CROCC: variants seen among roughly 807,000 people sequenced by gnomAD.
CROCC encodes the protein ciliary rootlet coiled-coil, rootletin.
CROCC carries 180 observed loss-of-function variants against 245.2 expected under a neutral mutation model. That is an observed-to-expected ratio of 0.73 (90% CI 0.65 to 0.83). The LOEUF is 0.83. Ranked by LOEUF, CROCC falls within the 40% of genes least tolerant of loss-of-function variation. The pLI is 0.00. For synonymous variants in CROCC, 1,205 were observed against 1,241.6 expected, an observed-to-expected ratio of 0.97 and a Z score of 0.62; for missense variants, 2,688 against 2,779.4, an observed-to-expected ratio of 0.97 and a Z score of 0.74.
intron 19 of CROCC, 133 bp from the exon 20 acceptor site, chr1:16,950,820 A>G (rs1448985988): frequency 1.5e-6 from 1 of 687,320 alleles, no homozygotes; most frequent in Non-Finnish European, 2.3e-6. Context: ...CCACTTCAAG[A>G]GGACCCAAAC....
intron 27 of CROCC, among the ~76,000 whole-genome samples, chr1:16,962,837 G>A (rs1339155336): frequency 6.6e-6 from 1 of 151,532 alleles, no homozygotes; most frequent in Non-Finnish European, 1.5e-5. Context: ...TGATGGTGAT[G>A]GCTGCACAAC....
chr1:16,968,103 C>T (rs2076448229), intron 30 of CROCC, 100 bp from the exon 31 acceptor site: 13 of 1,247,662 alleles, frequency 1.0e-5, no homozygotes, highest in South Asian at 5.2e-5. Context: ...GGTCACCCTT[C>T]GAGGCTGCTC....
At chr1:16,963,528 C>T (rs1403670925) in intron 27 of CROCC, among the ~76,000 whole-genome samples, 1 of 152,202 alleles carries the variant, frequency 6.6e-6, no homozygotes, top group Non-Finnish European at 1.5e-5. Flanking sequence ...CTTTGGGAAC[C>T]TCTGAGCGAG....
intron 27 of CROCC, among the ~76,000 whole-genome samples, chr1:16,964,970 C>A (rs147813588): frequency 6.6e-6 from 1 of 152,132 alleles, no homozygotes; most frequent in African/African-American, 2.4e-5. Flanking sequence ...CATGAGACAC[C>A]GCACCTGGCC....
At position 16,954,932 on chromosome 1, in the gene CROCC, T is replaced by G. The variant is rs1170526685; in HGVS notation, c.3465+55T>G. The G allele has an allele frequency of 1.5e-5, 22 of 1,458,858 alleles. No homozygotes were observed. In the Admixed American group the frequency reaches 5.4e-4, roughly 36 times the overall value. 90.4% of individuals were successfully genotyped at this position (1,458,858 alleles called of 1,614,324 possible). A position where few individuals can be genotyped will look rare whatever the true frequency, so the allele number is the denominator to read the frequency against. Reference sequence around the variant, plus strand: ...CATACCCTAAATGGCACTGTGTGCCTGGGGGCCTAGTTCCCCAGGGCCCCA... The same window carrying G: ...CATACCCTAAATGGCACTGTGTGCCGGGGGGCCTAGTTCCCCAGGGCCCCA... On this transcript the variant is annotated intron_variant, in intron 23 of 36. Coordinates refer to ENST00000375541, the MANE Select transcript of CROCC (RefSeq NM_014675.5). This position sits in a 1 kb window ranked among gnomAD's most constrained non-coding sequence, Gnocchi z 4.4.
Position 16,971,648 on chromosome 1 carries a change from G to T in CROCC, c.5967+1G>T. The T allele has an allele frequency of 6.7e-7, 1 of 1,489,144 alleles. No homozygotes were observed. Among genetic ancestry groups the T allele is most frequent in the East Asian group, 2.5e-5 (1 of 39,866 alleles). 92.2% of individuals were successfully genotyped at this position (1,489,144 alleles called of 1,614,324 possible). On this transcript the variant is annotated splice_donor_variant, in intron 36 of 36. Coordinates refer to ENST00000375541, the MANE Select transcript of CROCC (RefSeq NM_014675.5). LOFTEE classifies it high-confidence loss of function. ...GAGGGTGCGTGGGCTGGAGGAGCAG[G>T]TGTGCAGGCCCCCTTAGAAGGCTGG...
At position 16,954,550 on chromosome 1, in the gene CROCC, G is replaced by A. The variant is rs143562960; in HGVS notation, c.3322-184G>A. Among the ~76,000 whole-genome samples, 651 of 152,372 alleles carry A rather than the reference G, an allele frequency of 4.3e-3. 10 individuals carry two copies. The highest frequency in any genetic ancestry group is 0.015 in the African/African-American group (617 of 41,596). On this transcript the variant is annotated intron_variant, in intron 22 of 36. Transcript: ENST00000375541. This position sits in a 1 kb window ranked among gnomAD's most constrained non-coding sequence, Gnocchi z 4.4. ...CCCTGCCCTGATGAATCCTTTTGGC[G>A]TGAGGGAGAGGCTGGCTACACGGGC... is the stretch of plus-strand genomic sequence containing the variant.
At chr1:16,941,048 TG>T (rs1184803557) in intron 13 of CROCC, 6 of 258,276 alleles carry the variant, frequency 2.3e-5, no homozygotes, top group Non-Finnish European at 4.0e-5. Flanking sequence ...TTTGTAGAGA[TG>T]GGGGTCTCAC....
chr1:16,932,029 A>C (rs1444664910), intron 8 of CROCC, among the ~76,000 whole-genome samples: 4 of 152,198 alleles, frequency 2.6e-5, no homozygotes, highest in African/African-American at 9.7e-5. Flanking sequence ...AGCCTCCCAA[A>C]GTGCTGGGAT....
In CROCC at chr1:16,969,096, TCTGG is replaced by T. The variant is rs2076467650; in HGVS notation, c.5077-16_5077-13del. ...GCCAGATGGGAACAGCCCCGATTGT[TCTGG>T]CTGTCCTCCTGCCAGGTGGCCGACA... On this transcript the variant is annotated splice_polypyrimidine_tract_variant and intron_variant, in intron 31 of 36. Transcript: ENST00000375541. 1.3e-6 allele frequency: 2 copies of T among 1,580,864 alleles called. No homozygotes were observed. Among genetic ancestry groups the T allele is most frequent in the Non-Finnish European group, 1.7e-6 (2 of 1,163,512 alleles).
chr1:16,918,448 G>A (rs1390771964), upstream of CROCC, among the ~76,000 whole-genome samples: 26 of 152,336 alleles, frequency 1.7e-4, no homozygotes, highest in African/African-American at 6.0e-4. Context: ...ATGTCACCTG[G>A]TGCCAGGGGC....
At position 16,938,933 on chromosome 1, in the gene CROCC, G is replaced by A. The variant is rs776311799; in HGVS notation, c.1399G>A (p.Gly467Ser). Residue 467 changes from glycine (G) to serine (S), a missense_variant, in exon 12 of 37, where the codon GGC becomes AGC. Physicochemically the swap from Gly to Ser is moderately conservative, Grantham distance 56. This residue lies in a region of CROCC where 972 missense variants were observed against 895.3 expected (regional missense o/e 1.09). Coordinates refer to ENST00000375541, the MANE Select transcript of CROCC (RefSeq NM_014675.5). ...GGCCGTCTTGTCAGACTCTGAGAGC[G>A]GCGTCCAGCTGAGCGGCTCTGAGCG... ...AQAVLSDSES[G>S]VQLSGSERTA... 6.2e-6 allele frequency: 10 copies of A among 1,601,622 alleles called. No homozygotes were observed. Among genetic ancestry groups the A allele is most frequent in the East Asian group, 4.5e-5 (2 of 44,430 alleles).
chr1:16,959,211 ACAGGATTTCAC>A (rs1412878231), intron 26 of CROCC, among the ~76,000 whole-genome samples: 8 of 151,986 alleles, frequency 5.3e-5, no homozygotes, highest in Non-Finnish European at 1.0e-4. Flanking sequence ...TTTAGTAGAG[ACAGGATTTCAC>A]CATGTTGGTC....
chr1:16,915,683 G>T (rs1468219569), intron 1 of CROCC, among the ~76,000 whole-genome samples: 1 of 152,226 alleles, frequency 6.6e-6, no homozygotes, highest in Non-Finnish European at 1.5e-5. Context: ...CATACATGTT[G>T]GAGAAAATGG....
chr1:16,960,647 G>C (rs1423098841), intron 26 of CROCC, 111 bp from the exon 27 acceptor site: 2 of 1,315,914 alleles, frequency 1.5e-6, no homozygotes, highest in Non-Finnish European at 1.9e-6. Flanking sequence ...AAAGGAGAAA[G>C]GGTTGTACTG....
chr1:16,942,416 T>C (rs2075952891), intron 13 of CROCC, among the ~76,000 whole-genome samples: 1 of 152,262 alleles, frequency 6.6e-6, no homozygotes, highest in Admixed American at 6.5e-5. Context: ...GTTTGAAAAA[T>C]AGGAATAAAA....
Position 16,954,583 on chromosome 1 carries a change from A to G in CROCC, c.3322-151A>G. 1 of 1,182,368 alleles carries G rather than the reference A, an allele frequency of 8.5e-7. No individual in the cohort carries two copies. Among genetic ancestry groups the G allele is most frequent in the Non-Finnish European group, 1.2e-6 (1 of 854,740 alleles). 73.2% of individuals were successfully genotyped at this position (1,182,368 alleles called of 1,614,324 possible). On this transcript the variant is annotated intron_variant, in intron 22 of 36. Transcript: ENST00000375541. This position sits in a 1 kb window ranked among gnomAD's most constrained non-coding sequence, Gnocchi z 4.4. Reference sequence around the variant, plus strand: ...GAGGCTGGCTACACGGGCAGCACTCACTATGCATCCAGGGGTTGGCAGAGG... The same window carrying G: ...GAGGCTGGCTACACGGGCAGCACTCGCTATGCATCCAGGGGTTGGCAGAGG...
chr1:16,931,982 G>T (rs1366348036), intron 8 of CROCC, among the ~76,000 whole-genome samples: 1 of 151,864 alleles, frequency 6.6e-6, no homozygotes, highest in African/African-American at 2.4e-5. Flanking sequence ...GCCCAGGATG[G>T]TCTCGAACTC....
At position 16,944,811 on chromosome 1, in the gene CROCC, G is replaced by A. The variant is rs555136131; in HGVS notation, c.1991+529G>A. Among the ~76,000 whole-genome samples the A allele has an allele frequency of 3.9e-5, 6 of 152,380 alleles. No homozygotes were observed. The South Asian group carries it at 8.3e-4, about 21-fold the overall frequency. On this transcript the variant is annotated intron_variant, in intron 14 of 36. Transcript: ENST00000375541. ...TCAGAGTTAACCTCTTCACCACTGC[G>A]CTGCTTACCTCTCAGGGACGTGATC...
Sources: gnomAD v4.1 joint callset for allele counts (sites outside exome capture counted in the v4.1 genomes callset) on GRCh38, gnomAD v4.1.1 for gene constraint, gnomAD v4.1.1 regional missense constraint, Gnocchi (gnomAD v3.1) non-coding constraint, MANE v1.5 for transcripts, NCBI Gene and HGNC (gene_info 2026-07-23, HGNC 2026-07-21) for gene names.